BMP6: variants seen among roughly 807,000 people sequenced by gnomAD.
The protein encoded by BMP6 is bone morphogenetic protein 6, also known as VG-1-R.
BMP6 carries 17 observed loss-of-function variants against 54.1 expected under a neutral mutation model. That is an observed-to-expected ratio of 0.31 (90% CI 0.22 to 0.47). The LOEUF is 0.47. BMP6 is among the 20% of genes least tolerant of loss of function. BMP6 has a pLI of 1.00. For missense variants in BMP6, 720 were observed against 690.4 expected (o/e 1.04, Z -0.48); for synonymous variants, 328 against 291.2 (o/e 1.13, Z -1.28).
intron 4 of BMP6, among the ~76,000 whole-genome samples, chr6:7,863,846 C>A (rs1759374996): frequency 6.6e-6 from 1 of 152,004 alleles, no homozygotes; most frequent in South Asian, 2.1e-4. Context: ...TGGTGAAACC[C>A]CATCCCTACT....
intron 1 of BMP6, among the ~76,000 whole-genome samples, chr6:7,843,359 A>C (rs939755386): frequency 1.3e-5 from 2 of 151,342 alleles, no homozygotes; most frequent in Admixed American, 1.3e-4. Flanking sequence ...GTACCTATAG[A>C]TGGCTTAACT....
At chr6:7,750,269 C>A (rs989903721) in intron 1 of BMP6, among the ~76,000 whole-genome samples, 1 of 152,240 alleles carries the variant, frequency 6.6e-6, no homozygotes, top group East Asian at 1.9e-4. Flanking sequence ...ATACTAAGGC[C>A]ACATTCGTCT....
At chr6:7,842,466 C>T (rs145271017) in intron 1 of BMP6, among the ~76,000 whole-genome samples, 127 of 152,150 alleles carry the variant, frequency 8.3e-4, no homozygotes, top group African/African-American at 2.8e-3. Flanking sequence ...TTCCTCACAA[C>T]ATGGAAGTTT....
intron 2 of BMP6, among the ~76,000 whole-genome samples, chr6:7,853,540 C>T (rs1331724377): frequency 2.0e-5 from 3 of 152,074 alleles, no homozygotes; most frequent in Admixed American, 1.3e-4. Context: ...ATACCTGAGA[C>T]GGGTTTCTTT....
intron 1 of BMP6, among the ~76,000 whole-genome samples, chr6:7,774,244 C>T (rs1757830237): frequency 6.6e-6 from 1 of 152,210 alleles, no homozygotes; most frequent in Admixed American, 6.5e-5. Context: ...CTGCTTTCTG[C>T]CTTCCACCCA....
At chr6:7,748,847 AC>A (rs1167935179) in intron 1 of BMP6, among the ~76,000 whole-genome samples, 3 of 151,812 alleles carry the variant, frequency 2.0e-5, no homozygotes, top group Non-Finnish European at 4.4e-5. Context: ...ATCTCACCAT[AC>A]CCCCATCTCT....
At chr6:7,852,050 T>C (rs980403933) in intron 2 of BMP6, among the ~76,000 whole-genome samples, 3 of 152,234 alleles carry the variant, frequency 2.0e-5, no homozygotes, top group Non-Finnish European at 2.9e-5. Flanking sequence ...TTGGTTTTAT[T>C]TCCTGGCAAG....
chr6:7,811,773 C>T lies in BMP6; in HGVS notation c.665-33367C>T, dbSNP rs989753759. ...ATTCACATCAGTTCACATTTCCCTT[C>T]GTTAAACTTCCAGTTAAACTCTTGC... is the stretch of plus-strand genomic sequence containing the variant. On this transcript the variant is annotated intron_variant, in intron 1 of 6. Transcript: ENST00000283147. Among the ~76,000 whole-genome samples, 5 of 152,114 alleles carry T rather than the reference C, an allele frequency of 3.3e-5. No homozygotes were observed. In the South Asian group the frequency reaches 6.2e-4, roughly 19 times the overall value.
chr6:7,766,855 C>CA (rs1561765222), intron 1 of BMP6, among the ~76,000 whole-genome samples: 2 of 151,986 alleles, frequency 1.3e-5, no homozygotes, highest in Non-Finnish European at 2.9e-5. Flanking sequence ...AAAAGTCAAA[C>CA]AAAATCAAAA....
intron 4 of BMP6, among the ~76,000 whole-genome samples, chr6:7,868,723 G>A (rs80001555): frequency 0.067 from 10,133 of 152,346 alleles, 457 homozygotes; most frequent in Non-Finnish European, 0.1. Flanking sequence ...CCAGTCCCCT[G>A]CCATGCTGGT....
In BMP6 at chr6:7,753,751, T is replaced by C. The variant is rs535872118; in HGVS notation, c.664+26132T>C. 1.3e-4 allele frequency among the ~76,000 whole-genome samples: 20 copies of C among 152,348 alleles called. No homozygotes were observed. The South Asian group carries it at 3.3e-3, about 25-fold the overall frequency. On this transcript the variant is annotated intron_variant, in intron 1 of 6. Coordinates refer to ENST00000283147, the MANE Select transcript of BMP6 (RefSeq NM_001718.6). ...TTTTCTAAATAAGCATTAAAGGATA[T>C]AGGTTTTCGTCTAACATCAATTTTT...
intron 1 of BMP6, among the ~76,000 whole-genome samples, chr6:7,786,460 G>GTTT (rs35750746): frequency 2.4e-4 from 32 of 135,144 alleles, no homozygotes; most frequent in Non-Finnish European, 4.1e-4. Flanking sequence ...TCTTTAGTCT[G>GTTT]TTTTTTTTTT....
chr6:7,878,316 G>A (rs1561800077), intron 4 of BMP6, among the ~76,000 whole-genome samples: 1 of 152,204 alleles, frequency 6.6e-6, no homozygotes, highest in Non-Finnish European at 1.5e-5. Flanking sequence ...CAGGCAGAAG[G>A]CATGTCACGT....
intron 1 of BMP6, among the ~76,000 whole-genome samples, chr6:7,843,278 A>G (rs1285877914): frequency 6.6e-6 from 1 of 150,612 alleles, no homozygotes; most frequent in Non-Finnish European, 1.5e-5. Flanking sequence ...TAAAAAAAAA[A>G]AAGAACTCGA....
intron 1 of BMP6, among the ~76,000 whole-genome samples, chr6:7,829,443 C>T (rs1158496876): frequency 1.3e-5 from 2 of 152,160 alleles, no homozygotes; most frequent in Non-Finnish European, 2.9e-5. Flanking sequence ...GTGGCTCACA[C>T]CTGTAACCCC....
At chr6:7,868,063 G>T (rs1276511908) in intron 4 of BMP6, among the ~76,000 whole-genome samples, 1 of 152,216 alleles carries the variant, frequency 6.6e-6, no homozygotes, top group African/African-American at 2.4e-5. Context: ...AGTATAGAAG[G>T]TGCTTAGAGC....
intron 2 of BMP6, among the ~76,000 whole-genome samples, chr6:7,845,615 C>G (rs993732669): frequency 1.3e-5 from 2 of 152,116 alleles, no homozygotes; most frequent in African/African-American, 4.8e-5. Context: ...TTAAAATGTT[C>G]CCACTATTGA....
chr6:7,813,150 A>ATAT (rs1233358730), intron 1 of BMP6, among the ~76,000 whole-genome samples: 12 of 89,624 alleles, frequency 1.3e-4, no homozygotes, highest in African/African-American at 4.8e-4. Flanking sequence ...TATATATATA[A>ATAT]AATTAGTGGG....
In BMP6 at chr6:7,846,852, C is replaced by T. The variant is rs180826782; in HGVS notation, c.857+1520C>T. 4.6e-5 allele frequency among the ~76,000 whole-genome samples: 7 copies of T among 152,276 alleles called. No homozygotes were observed. In the East Asian group the frequency reaches 1.3e-3, roughly 29 times the overall value. ...ACTGTTTTAGCCATTGATTTTCAGT[C>T]TGCCTAATTATTTATTTCATTATGT... On this transcript the variant is annotated intron_variant, in intron 2 of 6. Coordinates refer to ENST00000283147, the MANE Select transcript of BMP6 (RefSeq NM_001718.6).
Sources: allele counts gnomAD v4.1 joint callset (sites outside exome capture counted in the v4.1 genomes callset), GRCh38; gene constraint gnomAD v4.1.1; transcripts MANE v1.5; gene names NCBI Gene and HGNC (gene_info 2026-07-23, HGNC 2026-07-21).